BLVRA: variants seen among roughly 807,000 people sequenced by gnomAD.
The protein encoded by BLVRA is BVR A.
BLVRA carries 22 observed loss-of-function variants against 32.8 expected under a neutral mutation model. The ratio of observed to expected loss-of-function variants is 0.67; its 90% CI spans 0.48 to 0.96. The LOEUF is 0.96. Ranked by LOEUF, BLVRA falls within the 40% of genes least tolerant of loss-of-function variation. The probability of loss-of-function intolerance (pLI) is 0.00; values close to 1 mark genes in which losing one functional copy is unlikely to be tolerated. For missense variants in BLVRA, 323 were observed against 358.1 expected (o/e 0.90, Z 0.79); for synonymous variants, 119 against 141.3 (o/e 0.84, Z 1.12).
chr7:43,777,651 G>T (rs1364013625), intron 2 of BLVRA, among the ~76,000 whole-genome samples: 2 of 152,122 alleles, frequency 1.3e-5, no homozygotes, highest in Admixed American at 6.5e-5. Context: ...GAGTATCTTT[G>T]TGGTGTTCTC....
intron 4 of BLVRA, among the ~76,000 whole-genome samples, chr7:43,792,241 C>T (rs975712250): frequency 1.3e-5 from 2 of 152,212 alleles, no homozygotes; most frequent in African/African-American, 2.4e-5. Context: ...CCCCTGCATA[C>T]GCTGCTCACA....
intron 4 of BLVRA, 112 bp from the exon 5 acceptor site, chr7:43,792,603 T>TCA (rs2095787332): frequency 9.7e-7 from 1 of 1,033,096 alleles, no homozygotes; most frequent in Non-Finnish European, 1.5e-6. Flanking sequence ...CATGACACAT[T>TCA]CACACACAGA....
At chr7:43,777,341 GTGA>G (rs2095762486) in intron 2 of BLVRA, among the ~76,000 whole-genome samples, 3 of 150,902 alleles carry the variant, frequency 2.0e-5, no homozygotes, top group African/African-American at 7.3e-5. Context: ...AGGCCTGGTG[GTGA>G]CAAAATCTCT....
In BLVRA at chr7:43,803,670, C is replaced by G; in HGVS notation, c.461-6C>G. ...CAGTTCCCACAGCATTTGTGATTTC[C>G]CACAGCTGGCCCGTTGGAAGAAGAG... On this transcript the variant is annotated splice_region_variant and splice_polypyrimidine_tract_variant and intron_variant, in intron 6 of 7. Coordinates refer to ENST00000265523, the MANE Select transcript of BLVRA (RefSeq NM_000712.4). 1 of 1,612,320 alleles carries G rather than the reference C, an allele frequency of 6.2e-7. No individual in the cohort carries two copies. The highest frequency in any genetic ancestry group is 1.1e-5 in the South Asian group (1 of 91,016).
At chr7:43,767,295 G>A in intron 1 of BLVRA, 3 of 1,169,520 alleles carry the variant, frequency 2.6e-6, no homozygotes, top group African/African-American at 1.5e-5. Flanking sequence ...ACACTGTGGA[G>A]CACCCAGATA....
intron 5 of BLVRA, among the ~76,000 whole-genome samples, chr7:43,795,429 T>C (rs969108332): frequency 1.3e-5 from 2 of 151,666 alleles, no homozygotes; most frequent in African/African-American, 4.8e-5. Context: ...GGCAGGAGAA[T>C]TGCTTAAACC....
At chr7:43,803,421 T>C (rs1482859809) in intron 6 of BLVRA, among the ~76,000 whole-genome samples, 1 of 152,188 alleles carries the variant, frequency 6.6e-6, no homozygotes, top group African/African-American at 2.4e-5. Flanking sequence ...CTGTTTCCAG[T>C]AGAATGTTTT....
At chr7:43,793,396 C>G (rs2095788324) in intron 5 of BLVRA, among the ~76,000 whole-genome samples, 1 of 151,826 alleles carries the variant, frequency 6.6e-6, no homozygotes, top group South Asian at 2.1e-4. Flanking sequence ...AATAACATGA[C>G]TACTAAGTGG....
chr7:43,763,501 G>A lies in BLVRA; in HGVS notation c.-22+4767G>A, dbSNP rs191238570. The stretch of plus-strand genomic sequence containing the variant: ...CTGCCTCTGCAGAATGAAGGTTGGG[G>A]CACGGGGGGCGCTCTACTTCTTAGG... On this transcript the variant is annotated intron_variant, in intron 1 of 7. Transcript: ENST00000265523. Among the ~76,000 whole-genome samples the A allele has an allele frequency of 8.1e-4, 124 of 152,312 alleles. 3 individuals are homozygous for A. Among genetic ancestry groups the A allele is most frequent in the Admixed American group, 7.0e-3 (107 of 15,296 alleles).
At chr7:43,792,109 G>A (rs777407410) in intron 4 of BLVRA, among the ~76,000 whole-genome samples, 4 of 152,176 alleles carry the variant, frequency 2.6e-5, no homozygotes, top group Non-Finnish European at 4.4e-5. Flanking sequence ...GCACAGAATT[G>A]TAGGTCCTTC....
intron 3 of BLVRA, among the ~76,000 whole-genome samples, chr7:43,788,512 T>C (rs1040722719): frequency 2.0e-4 from 31 of 152,184 alleles, no homozygotes; most frequent in African/African-American, 7.5e-4. Flanking sequence ...AGCTGGAAAG[T>C]CTAAGAACTG....
chr7:43,776,120 G>GT lies in BLVRA; in HGVS notation c.12+4956dup, dbSNP rs1183182428. 1.1e-4 allele frequency among the ~76,000 whole-genome samples: 17 copies of GT among 152,170 alleles called. No homozygotes were observed. The South Asian group carries it at 1.5e-3, about 13-fold the overall frequency. ...CTGGATTCATTAATTTTTTTGAAGG[G>GT]TTTTTTGTGTCTCTGTTTCCTTCAA... is the stretch of plus-strand genomic sequence containing the variant. On this transcript the variant is annotated intron_variant, in intron 2 of 7. Transcript: ENST00000265523.
At chr7:43,773,783 C>T (rs1000694390) in intron 2 of BLVRA, among the ~76,000 whole-genome samples, 1 of 152,220 alleles carries the variant, frequency 6.6e-6, no homozygotes, top group Admixed American at 6.5e-5. Context: ...TGTTTCTCCA[C>T]ATCCTCTCCA....
At chr7:43,770,198 G>A (rs2095752995) in intron 1 of BLVRA, among the ~76,000 whole-genome samples, 1 of 152,200 alleles carries the variant, frequency 6.6e-6, no homozygotes, top group South Asian at 2.1e-4. Context: ...TGCAGGTGGA[G>A]GGGCTGGAGA....
intron 5 of BLVRA, among the ~76,000 whole-genome samples, chr7:43,795,470 G>A (rs1439663439): frequency 6.6e-6 from 1 of 152,060 alleles, no homozygotes; most frequent in Non-Finnish European, 1.5e-5. Flanking sequence ...GAGGGAGATC[G>A]CACCACTGCA....
At chr7:43,781,461 G>A (rs2095769355) in intron 2 of BLVRA, among the ~76,000 whole-genome samples, 1 of 152,112 alleles carries the variant, frequency 6.6e-6, no homozygotes, top group Non-Finnish European at 1.5e-5. Context: ...TTCTTCAGCT[G>A]CAGCCTCCCA....
intron 2 of BLVRA, among the ~76,000 whole-genome samples, chr7:43,772,338 G>GGGGAGT (rs2095755518): frequency 6.6e-6 from 1 of 152,198 alleles, no homozygotes; most frequent in South Asian, 2.1e-4. Flanking sequence ...AACTCCTTCA[G>GGGGAGT]GGGAGTGGGA....
At chr7:43,788,143 C>G in intron 3 of BLVRA, 118 bp downstream of exon 3, 2 of 1,557,674 alleles carry the variant, frequency 1.3e-6, no homozygotes, top group South Asian at 2.2e-5. Context: ...CAACTGAGAA[C>G]TGTGCTTAGG....
At chr7:43,798,937 A>G (rs1331751997) in intron 5 of BLVRA, among the ~76,000 whole-genome samples, 6 of 150,138 alleles carry the variant, frequency 4.0e-5, no homozygotes, top group African/African-American at 1.5e-4. Flanking sequence ...AGACTGTTAC[A>G]TAGTGCTGGG....
Sources: allele counts gnomAD v4.1 joint callset (sites outside exome capture counted in the v4.1 genomes callset), GRCh38; gene constraint gnomAD v4.1.1; transcripts MANE v1.5; gene names NCBI Gene and HGNC (gene_info 2026-07-23, HGNC 2026-07-21).